Variants in FRK observed in about 807,000 individuals in gnomAD.
The protein encoded by FRK is fyn related Src family tyrosine kinase.
In FRK, 51 loss-of-function variants were observed where a neutral mutation model predicts 56.4. The observed-to-expected ratio is 0.90, with a 90% CI of 0.72 to 1.14. The LOEUF is 1.14. Among genes scored for constraint, FRK ranks in the 50% most tolerant of loss-of-function variants. The pLI is 0.00. For synonymous variants in FRK, 245 were observed against 217.9 expected, an observed-to-expected ratio of 1.12 and a Z score of -1.10; for missense variants, 570 against 601.4, an observed-to-expected ratio of 0.95 and a Z score of 0.55.
At chr6:115,957,662 A>G (rs1357443988) in intron 4 of FRK, among the ~76,000 whole-genome samples, 2 of 152,222 alleles carry the variant, frequency 1.3e-5, no homozygotes, top group Non-Finnish European at 2.9e-5. Flanking sequence ...AAGTTGAGTT[A>G]GTTACATGTG....
chr6:116,004,350 G>A (rs1368154874), intron 1 of FRK, among the ~76,000 whole-genome samples: 1 of 150,950 alleles, frequency 6.6e-6, no homozygotes, highest in East Asian at 1.9e-4. Flanking sequence ...GCTCTAAAAT[G>A]ACTCATCATC....
At chr6:116,070,110 G>T in the FRK span, among the ~76,000 whole-genome samples, 1 of 144,016 alleles carries the variant, frequency 6.9e-6, no homozygotes, top group African/African-American at 2.6e-5. Context: ...TCTCATTTTA[G>T]AATGAAGGAA....
At chr6:116,003,836 C>T (rs1421710688) in intron 2 of FRK, 41 bp downstream of exon 2, 7 of 1,607,116 alleles carry the variant, frequency 4.4e-6, no homozygotes, top group Non-Finnish European at 5.9e-6. Flanking sequence ...TGACTGCAGA[C>T]TCTCAAGCTC....
the FRK span, among the ~76,000 whole-genome samples, chr6:116,084,138 G>A: frequency 0.014 from 2,070 of 152,228 alleles, 36 homozygotes; most frequent in African/African-American, 0.047. Context: ...TTACCCACTA[G>A]CACTAACTAC....
At position 115,936,186 on chromosome 6, in the gene FRK, A is replaced by G; in HGVS notation, c.*6228T>C. ...TGCTGTTCTGCAGCCTCCACTCGTG[A>G]CACCAAGGCAAACAGCATCTGGAGT... On this transcript the variant is annotated 3_prime_UTR_variant, in exon 8 of 8. Transcript: ENST00000606080. 1 of 155,694 alleles carries G rather than the reference A, an allele frequency of 6.4e-6. No homozygotes were observed. Among genetic ancestry groups the G allele is most frequent in the Non-Finnish European group, 1.4e-5 (1 of 70,862 alleles). 9.6% of individuals were successfully genotyped at this position (155,694 alleles called of 1,614,324 possible).
chr6:116,098,344 C>T, the FRK span, among the ~76,000 whole-genome samples: 1 of 152,092 alleles, frequency 6.6e-6, no homozygotes, highest in Non-Finnish European at 1.5e-5. Context: ...CTCCTTACCT[C>T]AAGCGATCTG....
the FRK span, among the ~76,000 whole-genome samples, chr6:116,080,242 G>A: frequency 1.1e-4 from 17 of 152,126 alleles, no homozygotes; most frequent in African/African-American, 3.1e-4. Flanking sequence ...TGCAACCTCC[G>A]AATCCCAGGT....
intron 4 of FRK, among the ~76,000 whole-genome samples, chr6:115,959,261 A>G (rs560592856): frequency 3.9e-5 from 6 of 152,180 alleles, no homozygotes; most frequent in Non-Finnish European, 7.3e-5. Flanking sequence ...GTTTGTGGCT[A>G]TTACACTGTA....
At chr6:116,082,352 A>C in the FRK span, among the ~76,000 whole-genome samples, 2 of 152,326 alleles carry the variant, frequency 1.3e-5, no homozygotes, top group Middle Eastern at 3.4e-3. Context: ...ATGCTTAAAG[A>C]AGCTCTCTGC....
chr6:116,079,538 A>G, the FRK span, among the ~76,000 whole-genome samples: 1 of 151,916 alleles, frequency 6.6e-6, no homozygotes, highest in South Asian at 2.1e-4. Flanking sequence ...ACTTAATTTC[A>G]TTGTAGGTAC....
chr6:116,046,477 T>C (rs1056521543), intron 1 of FRK, among the ~76,000 whole-genome samples: 3 of 152,220 alleles, frequency 2.0e-5, no homozygotes, highest in African/African-American at 7.2e-5. Context: ...TCATATCCTT[T>C]GCAGGGACAA....
chr6:115,944,105 C>G, intron 6 of FRK, 139 bp downstream of exon 6: 1 of 610,494 alleles, frequency 1.6e-6, no homozygotes, highest in Admixed American at 3.5e-5. Flanking sequence ...GTTTGTAAGG[C>G]TTTGGACTAC....
At chr6:116,009,505 T>C (rs1177663682) in intron 1 of FRK, among the ~76,000 whole-genome samples, 2 of 152,128 alleles carry the variant, frequency 1.3e-5, no homozygotes, top group African/African-American at 4.8e-5. Context: ...GGCACTTACA[T>C]GCAAAAAAGT....
chr6:116,058,246 T>C (rs1027352571), intron 1 of FRK, among the ~76,000 whole-genome samples: 5 of 152,204 alleles, frequency 3.3e-5, no homozygotes, highest in Non-Finnish European at 5.9e-5. Context: ...GTGTATCCAA[T>C]ATATAAAGAT....
chr6:115,942,041 T>A lies in FRK; in HGVS notation c.*373A>T. 4.9e-6 allele frequency: 1 copy of A among 203,992 alleles called. No individual in the cohort carries two copies. The highest frequency in any genetic ancestry group is 7.8e-5 in the South Asian group (1 of 12,760). 12.6% of individuals were successfully genotyped at this position (203,992 alleles called of 1,614,324 possible). A position where few individuals can be genotyped will look rare whatever the true frequency, so the allele number is the denominator to read the frequency against. On this transcript the variant is annotated 3_prime_UTR_variant, in exon 8 of 8. Coordinates refer to ENST00000606080, the MANE Select transcript of FRK (RefSeq NM_002031.3). ...AATCTGAGGAATAATGAATAACCAC[T>A]CTAATCAGTAAACAGGAAAATGCTA...
At chr6:116,017,641 A>G (rs912871698) in intron 1 of FRK, among the ~76,000 whole-genome samples, 3 of 152,170 alleles carry the variant, frequency 2.0e-5, no homozygotes, top group African/African-American at 7.2e-5. Context: ...GTTTCTGAAG[A>G]CTGTCCCAGG....
intron 1 of FRK, among the ~76,000 whole-genome samples, chr6:116,019,270 T>C (rs914549475): frequency 1.3e-5 from 2 of 152,200 alleles, no homozygotes; most frequent in Non-Finnish European, 2.9e-5. Flanking sequence ...TGGTATTAAA[T>C]AAACTTGCAT....
intron 2 of FRK, among the ~76,000 whole-genome samples, chr6:115,999,269 G>A (rs117808378): frequency 6.6e-6 from 1 of 152,174 alleles, no homozygotes; most frequent in African/African-American, 2.4e-5. Flanking sequence ...AAAACTATCT[G>A]TCATGCATCT....
intron 1 of FRK, among the ~76,000 whole-genome samples, chr6:116,009,217 A>C (rs1775376003): frequency 6.6e-6 from 1 of 152,220 alleles, no homozygotes; most frequent in Non-Finnish European, 1.5e-5. Flanking sequence ...CTGTTCATAC[A>C]TCCAGTAAGG....
Sources: allele counts gnomAD v4.1 joint callset (sites outside exome capture counted in the v4.1 genomes callset), GRCh38; gene constraint gnomAD v4.1.1; transcripts MANE v1.5; gene names NCBI Gene and HGNC (gene_info 2026-07-23, HGNC 2026-07-21).